The following MLLT1 variants were observed in gnomAD, a reference collection of about 807,000 sequenced individuals.
The protein encoded by MLLT1 is MLLT1 super elongation complex subunit.
A neutral mutation model predicts 55.1 loss-of-function variants in MLLT1; 11 were observed. The observed-to-expected ratio is 0.20, with a 90% CI of 0.13 to 0.33. The LOEUF (loss-of-function observed/expected upper bound fraction) is 0.33, where lower values mean the gene tolerates loss of function less well. Among genes scored for constraint, MLLT1 ranks in the 10% least tolerant of loss-of-function variants. The pLI, the probability that MLLT1 is intolerant of heterozygous loss-of-function variation, is 1.00. For missense variants in MLLT1, 536 were observed against 760.6 expected, an observed-to-expected ratio of 0.70 and a Z score of 3.47; for synonymous variants, 323 against 320.1, an observed-to-expected ratio of 1.01 and a Z score of -0.10.
intron 7 of MLLT1, among the ~76,000 whole-genome samples, chr19:6,217,598 C>T (rs900272986): frequency 2.4e-4 from 36 of 152,294 alleles, no homozygotes; most frequent in African/African-American, 6.5e-4. Flanking sequence ...CCCTGGGGAG[C>T]GGGTGGGATG....
chr19:6,230,278 G>C lies in MLLT1; in HGVS notation c.420+292C>G, dbSNP rs7250380. 6.6e-6 allele frequency among the ~76,000 whole-genome samples: 1 copy of C among 152,106 alleles called. No homozygotes were observed. The highest frequency in any genetic ancestry group is 6.5e-5 in the Admixed American group (1 of 15,272). On this transcript the variant is annotated intron_variant, in intron 4 of 11. Transcript: ENST00000252674. This position sits in a 1 kb window ranked among gnomAD's most constrained non-coding sequence, Gnocchi z 9.0. ...AAGCCAGCTCCAGGCCCAGCCACGC[G>C]GTCAGACCAGCCTCGCGCCCATCCC...
intron 3 of MLLT1, among the ~76,000 whole-genome samples, chr19:6,232,415 C>T (rs924503117): frequency 2.6e-5 from 4 of 152,142 alleles, no homozygotes; most frequent in African/African-American, 9.7e-5. Flanking sequence ...GGCCCTACTC[C>T]ACCCACACAC....
intron 10 of MLLT1, 116 bp downstream of exon 10, chr19:6,213,610 T>C: frequency 8.9e-7 from 1 of 1,126,590 alleles, no homozygotes; most frequent in Non-Finnish European, 1.3e-6. Context: ...TCCCTGCTCC[T>C]GCCCAGGAAG....
At chr19:6,271,413 C>T (rs999611314) in intron 1 of MLLT1, among the ~76,000 whole-genome samples, 22 of 152,122 alleles carry the variant, frequency 1.4e-4, no homozygotes, top group African/African-American at 5.3e-4. Flanking sequence ...GGGAGGTTCC[C>T]AAGAAGAAGG....
At chr19:6,274,689 A>G (rs2091419113) in intron 1 of MLLT1, among the ~76,000 whole-genome samples, 8 of 152,132 alleles carry the variant, frequency 5.3e-5, no homozygotes, top group Admixed American at 5.2e-4. Context: ...CACCTCTGGG[A>G]CCACCCTGAC....
rs1303499923 is a variant in MLLT1, at chr19:6,229,112, G to A, written c.420+1458C>T. ...AGGGAACGCCACTTCCCACAGCCAC[G>A]CCACCACGGAACCTCCGGGGACGCC... is the stretch of plus-strand genomic sequence containing the variant. On this transcript the variant is annotated intron_variant, in intron 4 of 11. Transcript: ENST00000252674. The surrounding 1 kb of genome is among the most constrained non-coding windows in gnomAD (Gnocchi z 5.2). Among the ~76,000 whole-genome samples the A allele has an allele frequency of 5.9e-5, 9 of 152,168 alleles. No homozygotes were observed. Among genetic ancestry groups the A allele is most frequent in the Admixed American group, 1.3e-4 (2 of 15,288 alleles).
At chr19:6,272,616 G>T (rs1225578277) in intron 1 of MLLT1, among the ~76,000 whole-genome samples, 1 of 152,198 alleles carries the variant, frequency 6.6e-6, no homozygotes, top group South Asian at 2.1e-4. Flanking sequence ...AGCCCCCAGG[G>T]CCCCTGTGAA....
intron 3 of MLLT1, among the ~76,000 whole-genome samples, chr19:6,241,828 C>T (rs2091115617): frequency 6.6e-6 from 1 of 152,268 alleles, no homozygotes; most frequent in South Asian, 2.1e-4. Flanking sequence ...CGCGGCAGCT[C>T]GGCCCTGCCC....
chr19:6,276,371 C>T (rs2091428202), intron 1 of MLLT1, among the ~76,000 whole-genome samples: 1 of 152,138 alleles, frequency 6.6e-6, no homozygotes, highest in Non-Finnish European at 1.5e-5. Flanking sequence ...CCTGCATTTC[C>T]ACATCTGTGA....
chr19:6,218,758 C>A (rs1019774702), intron 6 of MLLT1, among the ~76,000 whole-genome samples: 1 of 152,216 alleles, frequency 6.6e-6, no homozygotes, highest in African/African-American at 2.4e-5. Context: ...AGAGGCGTAG[C>A]TCCTGGGTGG....
intron 2 of MLLT1, among the ~76,000 whole-genome samples, chr19:6,266,767 G>T (rs12979828): frequency 0.41 from 62,336 of 152,050 alleles, 15,952 homozygotes; most frequent in African/African-American, 0.73. Flanking sequence ...AGAAATGTCT[G>T]AAGTAATCTC....
chr19:6,263,534 T>C, intron 2 of MLLT1: 1 of 152,472 alleles, frequency 6.6e-6, no homozygotes, highest in Non-Finnish European at 1.5e-5. Context: ...AGGAATCCTG[T>C]CCTGTGACGG....
chr19:6,215,506 G>A (rs138455199), intron 8 of MLLT1, among the ~76,000 whole-genome samples: 44 of 152,294 alleles, frequency 2.9e-4, no homozygotes, highest in Middle Eastern at 3.4e-3. Flanking sequence ...CTCTGTCTGC[G>A]GTGGGTGGGA....
At chr19:6,214,387 T>C (rs1254461709) in intron 8 of MLLT1, among the ~76,000 whole-genome samples, 1 of 152,158 alleles carries the variant, frequency 6.6e-6, no homozygotes, top group East Asian at 1.9e-4. Context: ...AGGAGCTGCC[T>C]GCTGAAAACC....
rs1391036098 is a variant in MLLT1, at chr19:6,219,903, G to A, written c.1111-1862C>T. 6.6e-6 allele frequency among the ~76,000 whole-genome samples: 1 copy of A among 152,234 alleles called. No individual in the cohort carries two copies. Among genetic ancestry groups the A allele is most frequent in the Non-Finnish European group, 1.5e-5 (1 of 68,046 alleles). On this transcript the variant is annotated intron_variant, in intron 6 of 11. Transcript: ENST00000252674. The surrounding 1 kb of genome is among the most constrained non-coding windows in gnomAD (Gnocchi z 4.5). ...CCCTTTCCTTCCGCCCAAATCCAAG[G>A]GGCAGGGAGGAAAAGAATCCGGAAA...
In MLLT1 at chr19:6,222,316, C is replaced by T. The variant is rs376490324; in HGVS notation, c.915G>A (p.Ser305=). 7.3e-5 allele frequency: 116 copies of T among 1,581,792 alleles called. No homozygotes were observed. Among genetic ancestry groups the T allele is most frequent in the Non-Finnish European group, 1.9e-5 (22 of 1,165,532 alleles). The change falls in exon 6 of 12, where the codon TCG becomes TCA. Residue 305 remains serine, a synonymous_variant. Coordinates refer to ENST00000252674, the MANE Select transcript of MLLT1 (RefSeq NM_005934.4). This position sits in a 1 kb window ranked among gnomAD's most constrained non-coding sequence, Gnocchi z 4.1. ...TGCCTGGAGCACTCCGGGACCCCTTCGAGCTGCTCTTCTTCTGCTTCTTGG... is the reference window on the plus strand; with the variant it reads ...TGCCTGGAGCACTCCGGGACCCCTTTGAGCTGCTCTTCTTCTGCTTCTTGG... ...PSAKKQKKSS[S]KGSRSAPGTS...
chr19:6,216,352 C>T (rs1011227694), intron 8 of MLLT1, 53 bp downstream of exon 8: 45 of 1,335,732 alleles, frequency 3.4e-5, no homozygotes, highest in Non-Finnish European at 4.5e-5. Flanking sequence ...CAGACCCAGC[C>T]GGAGTCGCCC....
At chr19:6,266,934 A>C (rs2091353524) in intron 2 of MLLT1, among the ~76,000 whole-genome samples, 2 of 152,112 alleles carry the variant, frequency 1.3e-5, no homozygotes, top group Non-Finnish European at 2.9e-5. Flanking sequence ...GAAGGAAGGC[A>C]CAGAGAACCA....
intron 3 of MLLT1, among the ~76,000 whole-genome samples, chr19:6,243,912 C>T (rs1209951913): frequency 2.0e-5 from 3 of 151,760 alleles, no homozygotes; most frequent in Non-Finnish European, 4.4e-5. Context: ...GGCATGGTGG[C>T]GGGCGCCTGT....
Sources: allele counts gnomAD v4.1 joint callset (sites outside exome capture counted in the v4.1 genomes callset), GRCh38; gene constraint gnomAD v4.1.1; non-coding constraint Gnocchi (gnomAD v3.1); transcripts MANE v1.5; gene names NCBI Gene and HGNC (gene_info 2026-07-23, HGNC 2026-07-21).